The following HACE1 variants were observed in gnomAD, a reference collection of about 807,000 sequenced individuals.
HACE1 encodes the protein E3 ubiquitin-protein ligase HACE1.
HACE1 carries 73 observed loss-of-function variants against 118.4 expected under a neutral mutation model. The ratio of observed to expected loss-of-function variants is 0.62; its 90% confidence interval spans 0.51 to 0.75. HACE1 has a LOEUF of 0.75. Among genes scored for constraint, HACE1 ranks in the 30% least tolerant of loss-of-function variants. HACE1 has a pLI of 0.00. For missense variants in HACE1, 749 were observed against 1,102.2 expected, an observed-to-expected ratio of 0.68 and a Z score of 4.54; for synonymous variants, 368 against 374.8, an observed-to-expected ratio of 0.98 and a Z score of 0.21.
intron 6 of HACE1, among the ~76,000 whole-genome samples, chr6:104,826,920 A>G (rs1246032937): frequency 2.0e-5 from 3 of 152,232 alleles, no homozygotes; most frequent in Non-Finnish European, 4.4e-5. Context: ...TTACAGAATA[A>G]GAAACTATTG....
intron 22 of HACE1, among the ~76,000 whole-genome samples, chr6:104,739,606 A>C (rs1404504062): frequency 1.3e-5 from 2 of 152,104 alleles, no homozygotes; most frequent in Non-Finnish European, 2.9e-5. Flanking sequence ...CAATTCAACA[A>C]GAAGAGCTAA....
chr6:104,839,510 G>A (rs1292410486), intron 5 of HACE1, among the ~76,000 whole-genome samples: 1 of 152,160 alleles, frequency 6.6e-6, no homozygotes, highest in Non-Finnish European at 1.5e-5. Context: ...GGTTAGCCAT[G>A]GGATGTGAAG....
chr6:104,826,874 T>C (rs1258149833), intron 6 of HACE1, among the ~76,000 whole-genome samples: 1 of 152,170 alleles, frequency 6.6e-6, no homozygotes, highest in East Asian at 1.9e-4. Context: ...TCTATTCCCC[T>C]AGTCATTGAT....
chr6:104,846,866 C>A (rs894156252), intron 4 of HACE1, among the ~76,000 whole-genome samples: 1 of 152,114 alleles, frequency 6.6e-6, no homozygotes, highest in African/African-American at 2.4e-5. Flanking sequence ...ATAATAAAAA[C>A]CAAAATATTT....
chr6:104,790,645 T>C (rs1170450170), intron 11 of HACE1, among the ~76,000 whole-genome samples: 1 of 152,120 alleles, frequency 6.6e-6, no homozygotes, highest in Non-Finnish European at 1.5e-5. Context: ...TCCCAGCTAC[T>C]GGGGAGGTTG....
At chr6:104,771,116 A>G in intron 19 of HACE1, 77 bp downstream of exon 19, 1 of 1,029,674 alleles carries the variant, frequency 9.7e-7, no homozygotes, top group Middle Eastern at 2.0e-4. Flanking sequence ...TACAAGTGCC[A>G]GAAGAATTTA....
At chr6:104,780,774 T>C (rs1232860120) in intron 14 of HACE1, among the ~76,000 whole-genome samples, 1 of 152,188 alleles carries the variant, frequency 6.6e-6, no homozygotes, top group Admixed American at 6.5e-5. Context: ...TCTAATAATG[T>C]CCTCTTATTG....
At chr6:104,837,982 T>C (rs1401726183) in intron 5 of HACE1, among the ~76,000 whole-genome samples, 2 of 151,946 alleles carry the variant, frequency 1.3e-5, no homozygotes, top group African/African-American at 2.4e-5. Flanking sequence ...TAAAATAAAA[T>C]ACCTAGGAAT....
intron 1 of HACE1, among the ~76,000 whole-genome samples, chr6:104,856,355 ATTATT>A (rs1562522694): frequency 6.6e-6 from 1 of 152,276 alleles, no homozygotes; most frequent in East Asian, 1.9e-4. Flanking sequence ...CTCAAATTTT[ATTATT>A]TTATTAAACA....
intron 5 of HACE1, among the ~76,000 whole-genome samples, chr6:104,836,889 C>G (rs1235261196): frequency 6.6e-6 from 1 of 152,100 alleles, no homozygotes; most frequent in Non-Finnish European, 1.5e-5. Flanking sequence ...ATTAAAAACA[C>G]AAGGCCATTT....
intron 17 of HACE1, among the ~76,000 whole-genome samples, chr6:104,773,328 T>G (rs558563618): frequency 6.6e-6 from 1 of 152,226 alleles, no homozygotes; most frequent in South Asian, 2.1e-4. Context: ...TGACAATAAT[T>G]CACTCTGTGT....
chr6:104,847,279 A>G (rs1775751531), intron 4 of HACE1, among the ~76,000 whole-genome samples: 1 of 152,194 alleles, frequency 6.6e-6, no homozygotes, highest in African/African-American at 2.4e-5. Flanking sequence ...AGTTGTTGAA[A>G]CAGAGTACTA....
chr6:104,754,840 G>A (rs1335858755), intron 19 of HACE1, among the ~76,000 whole-genome samples: 3 of 152,068 alleles, frequency 2.0e-5, no homozygotes, highest in East Asian at 1.9e-4. Context: ...ATACACTGAA[G>A]TACACTGACC....
Position 104,849,165 on chromosome 6 carries a change from G to C in HACE1, c.303C>G (p.Pro101=), listed in dbSNP as rs781077941. Residue 101 remains proline, a synonymous_variant, in exon 4 of 24, where the codon CCC becomes CCG. Transcript: ENST00000262903. ...ACCCATTTCTTGCTGCCAAATGAAG[G>C]GGTGTACAGCCTGAAATATCTTGAT... is the stretch of plus-strand genomic sequence containing the variant. ...PNYQDISGCT[P]LHLAARNGQK... 7.5e-6 allele frequency: 12 copies of C among 1,598,444 alleles called. No homozygotes were observed. Among genetic ancestry groups the C allele is most frequent in the Middle Eastern group, 1.6e-4 (1 of 6,062 alleles).
At chr6:104,850,766 C>T in intron 3 of HACE1, 141 bp downstream of exon 3, 1 of 755,070 alleles carries the variant, frequency 1.3e-6, no homozygotes, top group Non-Finnish European at 2.4e-6. Flanking sequence ...ACGGATAGCA[C>T]ACCACGCGCT....
intron 11 of HACE1, 67 bp from the exon 12 acceptor site, chr6:104,785,386 A>C (rs1782268776): frequency 1.1e-6 from 1 of 891,334 alleles, no homozygotes; most frequent in Non-Finnish European, 1.8e-6. Context: ...AAAAAAACAA[A>C]ACACAACTAG....
At chr6:104,771,636 A>T (rs567561518) in intron 18 of HACE1, among the ~76,000 whole-genome samples, 1 of 152,116 alleles carries the variant, frequency 6.6e-6, no homozygotes, top group Admixed American at 6.6e-5. Flanking sequence ...AAACTTCAAA[A>T]ATGCCAATTA....
Position 104,782,453 on chromosome 6 carries a change from C to T in HACE1, c.1566+1633G>A, listed in dbSNP as rs1781839356. On this transcript the variant is annotated intron_variant, in intron 14 of 23. Coordinates refer to ENST00000262903, the MANE Select transcript of HACE1 (RefSeq NM_020771.4). ...CAGTGAGCTCAGATCAACTATACTC[C>T]AGCCTGAGTGACAGGTAAAACCCTG... 3 of 152,202 alleles carry T rather than the reference C, an allele frequency of 2.0e-5. No homozygotes were observed. In the South Asian group the frequency reaches 6.2e-4, roughly 32 times the overall value. 9.4% of individuals were successfully genotyped at this position (152,202 alleles called of 1,614,324 possible).
chr6:104,834,616 A>C (rs1774343998), intron 5 of HACE1, among the ~76,000 whole-genome samples: 1 of 152,206 alleles, frequency 6.6e-6, no homozygotes, highest in Admixed American at 6.5e-5. Flanking sequence ...TATTTCCTTA[A>C]AAGACTAGAT....
Sources: gnomAD v4.1 joint callset for allele counts (sites outside exome capture counted in the v4.1 genomes callset) on GRCh38, gnomAD v4.1.1 for gene constraint, MANE v1.5 for transcripts, NCBI Gene and HGNC (gene_info 2026-07-23, HGNC 2026-07-21) for gene names.